Variants in MEGF6 observed in about 807,000 individuals in gnomAD.
The protein encoded by MEGF6 is multiple epidermal growth factor-like domains protein 6.
MEGF6 carries 184 observed loss-of-function variants against 207.1 expected under a neutral mutation model. That is an observed-to-expected ratio of 0.89 (90% CI 0.79 to 1.00). MEGF6 has a LOEUF of 1.00. Among genes scored for constraint, MEGF6 ranks in the 50% least tolerant of loss-of-function variants. MEGF6 has a pLI of 0.00. For synonymous variants in MEGF6, 1,038 were observed against 910.0 expected, an observed-to-expected ratio of 1.14 and a Z score of -2.53; for missense variants, 2,282 against 2,202.9, an observed-to-expected ratio of 1.04 and a Z score of -0.72.
At chr1:3,512,219 C>T (rs1290309767) in intron 7 of MEGF6, 91 bp from the exon 8 acceptor site, 1 of 1,488,260 alleles carries the variant, frequency 6.7e-7, no homozygotes, top group Non-Finnish European at 9.0e-7. Context: ...CCTGCTGACA[C>T]CCAGGGCCTG....
At chr1:3,530,888 G>C (rs181895889) in intron 4 of MEGF6, among the ~76,000 whole-genome samples, 39 of 152,340 alleles carry the variant, frequency 2.6e-4, no homozygotes, top group African/African-American at 8.7e-4. Context: ...AGAGGGGACG[G>C]GGGTGACCGA....
At chr1:3,544,005 T>C (rs1642617244) in intron 4 of MEGF6, among the ~76,000 whole-genome samples, 1 of 152,162 alleles carries the variant, frequency 6.6e-6, no homozygotes, top group African/African-American at 2.4e-5. Context: ...GGGAAGCCCA[T>C]TCACCACCCG....
rs141362643 is a variant in MEGF6 at position 3,502,994 on chromosome 1, T to C, written c.2189-1073A>G. On this transcript the variant is annotated intron_variant, in intron 17 of 36. Transcript: ENST00000356575. ...CATCACAGCAGCCCCAAGAAGGCAG[T>C]TGACAGAGACCCCGTGCTGCATGCC... Among the ~76,000 whole-genome samples, 139 of 152,294 alleles carry C rather than the reference T, an allele frequency of 9.1e-4. 2 individuals carry two copies. The East Asian group carries it at 0.025, about 27-fold the overall frequency.
chr1:3,585,692 T>TGAG (rs1553207040), intron 3 of MEGF6, among the ~76,000 whole-genome samples: 1 of 138,058 alleles, frequency 7.2e-6, no homozygotes, highest in East Asian at 2.2e-4. Context: ...TGTGTGGGTG[T>TGAG]GACATATGTC....
chr1:3,574,584 T>TG (rs1176197855), intron 4 of MEGF6, among the ~76,000 whole-genome samples: 10 of 5,268 alleles, frequency 1.9e-3, no homozygotes, highest in East Asian at 7.9e-3. Context: ...GTGCCGGGGG[T>TG]GGGGGGGTGG....
intron 31 of MEGF6, 30 bp downstream of exon 31, chr1:3,494,583 G>A (rs1482552822): frequency 6.4e-7 from 1 of 1,559,952 alleles, no homozygotes; most frequent in African/African-American, 1.4e-5. Context: ...CTGAGGGGAT[G>A]CTGGGGTCCC....
At chr1:3,620,477 G>C in the MEGF6 span, among the ~76,000 whole-genome samples, 11 of 152,362 alleles carry the variant, frequency 7.2e-5, no homozygotes, top group Middle Eastern at 3.4e-3. Context: ...AAGACAAGAG[G>C]TGAACTTCGG....
At chr1:3,519,038 C>T (rs967168136) in intron 5 of MEGF6, among the ~76,000 whole-genome samples, 1 of 152,254 alleles carries the variant, frequency 6.6e-6, no homozygotes, top group Non-Finnish European at 1.5e-5. Context: ...GAGCACCAGG[C>T]AAACAATGGC....
rs770365898 is a variant in MEGF6 at position 3,501,208 on chromosome 1, G to C, written c.2415C>G (p.Leu805=). ...CDPETGACLC[L]PGFVGSRCQD... ...GGCAGCGGCTGCCGACGAAGCCAGGGAGGCACAGGCAGGCTCCGGTCTCAG... is the reference window on the plus strand; with the variant it reads ...GGCAGCGGCTGCCGACGAAGCCAGGCAGGCACAGGCAGGCTCCGGTCTCAG... The change falls in exon 19 of 37, where the codon CTC becomes CTG. Residue 805 remains leucine, a synonymous_variant. Transcript: ENST00000356575. The C allele has an allele frequency of 1.2e-6, 2 of 1,612,214 alleles. No individual in the cohort carries two copies. Among genetic ancestry groups the C allele is most frequent in the Non-Finnish European group, 1.7e-6 (2 of 1,179,802 alleles).
chr1:3,608,713 G>A (rs1288461685), intron 1 of MEGF6, among the ~76,000 whole-genome samples: 2 of 152,110 alleles, frequency 1.3e-5, no homozygotes, highest in East Asian at 1.9e-4. Flanking sequence ...TGGCTGGTCC[G>A]AGCCCTGCGG....
At chr1:3,566,935 A>G (rs1340154586) in intron 4 of MEGF6, among the ~76,000 whole-genome samples, 1 of 152,186 alleles carries the variant, frequency 6.6e-6, no homozygotes, top group Non-Finnish European at 1.5e-5. Context: ...GACTCTCACC[A>G]CGGCCCCTAC....
the MEGF6 span, among the ~76,000 whole-genome samples, chr1:3,619,943 C>A: frequency 6.6e-6 from 1 of 152,138 alleles, no homozygotes; most frequent in Non-Finnish European, 1.5e-5. Context: ...ATGGTTCTGA[C>A]CGAAATGCTG....
chr1:3,516,909 A>C (rs1273524389), intron 5 of MEGF6, among the ~76,000 whole-genome samples: 2 of 152,076 alleles, frequency 1.3e-5, no homozygotes, highest in African/African-American at 4.8e-5. Context: ...GGCTGTGGGG[A>C]ACCCAGGGCA....
intron 29 of MEGF6, 94 bp from the exon 30 acceptor site, chr1:3,496,112 A>AGGGGAC: frequency 1.4e-6 from 2 of 1,421,274 alleles, no homozygotes; most frequent in Non-Finnish European, 1.8e-6. Context: ...GGATGGGGTG[A>AGGGGAC]GGGGACCCTG....
chr1:3,503,057 C>T (rs960154076), intron 17 of MEGF6, among the ~76,000 whole-genome samples: 1 of 152,178 alleles, frequency 6.6e-6, no homozygotes, highest in African/African-American at 2.4e-5. Context: ...AGGCCCACAG[C>T]GGGGCTGAGA....
chr1:3,591,816 G>A (rs1476049780), intron 3 of MEGF6, among the ~76,000 whole-genome samples: 1 of 101,362 alleles, frequency 9.9e-6, no homozygotes, highest in African/African-American at 3.5e-5. Flanking sequence ...ACCAGCGAGG[G>A]GGCTGGTGGG....
chr1:3,557,360 G>A (rs1029434173), intron 4 of MEGF6, among the ~76,000 whole-genome samples: 3 of 152,206 alleles, frequency 2.0e-5, no homozygotes, highest in Admixed American at 6.5e-5. Context: ...AGCTTCCCCC[G>A]CAGAGCTCTG....
chr1:3,573,420 G>A lies in MEGF6; in HGVS notation c.481+6405C>T, dbSNP rs995755395. Among the ~76,000 whole-genome samples the A allele has an allele frequency of 3.3e-5, 5 of 152,200 alleles. No homozygotes were observed. Among genetic ancestry groups the A allele is most frequent in the Non-Finnish European group, 7.4e-5 (5 of 68,020 alleles). On this transcript the variant is annotated intron_variant, in intron 4 of 36. Transcript: ENST00000356575. This position sits in a 1 kb window ranked among gnomAD's most constrained non-coding sequence, Gnocchi z 5.1. ...CTTGGCTGCACCCAAAGGTAAGCAC[G>A]GGAAACAGTGCGGGGAGCCTGGAAC...
chr1:3,499,995 G>T, intron 21 of MEGF6, 71 bp from the exon 22 acceptor site: 2 of 1,486,032 alleles, frequency 1.3e-6, no homozygotes. Flanking sequence ...CCCGGGCCTT[G>T]CCGCCATCCC....
Sources: allele counts gnomAD v4.1 joint callset (sites outside exome capture counted in the v4.1 genomes callset), GRCh38; gene constraint gnomAD v4.1.1; non-coding constraint Gnocchi (gnomAD v3.1); transcripts MANE v1.5; gene names NCBI Gene and HGNC (gene_info 2026-07-23, HGNC 2026-07-21).